The following SBF2 variants were observed in gnomAD, a reference collection of about 807,000 sequenced individuals.
SBF2 encodes the protein myotubularin-related protein 13.
Under a neutral mutation model 225.2 loss-of-function variants are expected in SBF2, and 112 were observed. The observed-to-expected ratio is 0.50, with a 90% CI of 0.43 to 0.58. The LOEUF is 0.58. Ranked by LOEUF, SBF2 falls within the 20% of genes least tolerant of loss-of-function variation. The pLI, the probability that SBF2 is intolerant of heterozygous loss-of-function variation, is 0.00. For synonymous variants in SBF2, 763 were observed against 773.3 expected (o/e 0.99, Z 0.22); for missense variants, 1,996 against 2,206.2 (o/e 0.90, Z 1.91).
At chr11:9,992,309 C>A (rs762954937) in intron 12 of SBF2, 106 bp downstream of exon 12, 11 of 815,832 alleles carry the variant, frequency 1.3e-5, no homozygotes, top group Non-Finnish European at 2.0e-5. Context: ...TTATTTAATA[C>A]CTAATTTATA....
intron 16 of SBF2, chr11:9,961,690 A>G: frequency 2.8e-6 from 1 of 360,064 alleles, no homozygotes; most frequent in South Asian, 3.6e-5. Flanking sequence ...TTTAAAGATG[A>G]CTTTTCATTT....
intron 6 of SBF2, among the ~76,000 whole-genome samples, chr11:10,007,875 C>T (rs576420325): frequency 2.8e-4 from 43 of 152,278 alleles, no homozygotes; most frequent in African/African-American, 9.6e-4. Context: ...AGGCCTGAGC[C>T]AAATTACAAC....
chr11:10,231,125 G>A lies in SBF2; in HGVS notation c.56-37138C>T, dbSNP rs181382220. 1.3e-4 allele frequency among the ~76,000 whole-genome samples: 20 copies of A among 152,078 alleles called. 1 individual carries two copies. Among genetic ancestry groups the A allele is most frequent in the Middle Eastern group, 3.4e-3 (1 of 294 alleles). On this transcript the variant is annotated intron_variant, in intron 1 of 39. Transcript: ENST00000256190. ...ATCGGCTACTGAGGCTTGTGCATTC[G>A]TCACTTAATTCTCATGCCGTGGATT...
At chr11:9,957,601 A>G in intron 16 of SBF2, 1 of 152,168 alleles carries the variant, frequency 6.6e-6, no homozygotes, top group Non-Finnish European at 1.5e-5. Context: ...CTGGGACTAC[A>G]GACGCCTGCC....
chr11:10,078,722 T>C (rs1333114190), intron 2 of SBF2, among the ~76,000 whole-genome samples: 1 of 152,090 alleles, frequency 6.6e-6, no homozygotes, highest in African/African-American at 2.4e-5. Context: ...GGCACACGTA[T>C]ACCTACGTAA....
intron 17 of SBF2, among the ~76,000 whole-genome samples, chr11:9,861,663 CAA>C (rs1193095357): frequency 9.1e-4 from 76 of 83,400 alleles, no homozygotes; most frequent in Admixed American, 1.9e-3. Context: ...GACTCCATCT[CAA>C]AAAAAAAAAA....
At chr11:10,131,647 T>G (rs1475708868) in intron 2 of SBF2, among the ~76,000 whole-genome samples, 1 of 152,090 alleles carries the variant, frequency 6.6e-6, no homozygotes, top group Non-Finnish European at 1.5e-5. Flanking sequence ...TTGGTCAGGC[T>G]GGAGGCTGGT....
intron 13 of SBF2, 44 bp from the exon 14 acceptor site, chr11:9,968,589 CA>C (rs746257823): frequency 6.7e-7 from 1 of 1,492,006 alleles, no homozygotes; most frequent in South Asian, 1.1e-5. Flanking sequence ...GTTAAAATAA[CA>C]ATGGCAGATC....
intron 14 of SBF2, among the ~76,000 whole-genome samples, chr11:9,964,807 T>C (rs982931350): frequency 2.0e-5 from 3 of 152,204 alleles, no homozygotes; most frequent in Admixed American, 6.5e-5. Context: ...GTAGTATTTA[T>C]ATAAAATTTA....
At chr11:9,893,094 A>G (rs1454182539) in intron 17 of SBF2, among the ~76,000 whole-genome samples, 6 of 152,312 alleles carry the variant, frequency 3.9e-5, no homozygotes, top group South Asian at 2.1e-4. Context: ...AAAGTATTTT[A>G]AAAGTAAGTT....
chr11:10,294,264 C>T (rs537022456), upstream of SBF2: 5 of 396,442 alleles, frequency 1.3e-5, no homozygotes, highest in South Asian at 3.4e-4. Context: ...CGCCCCCACC[C>T]GCGCTGGCTC....
intron 13 of SBF2, among the ~76,000 whole-genome samples, chr11:9,975,017 A>T: frequency 6.6e-6 from 1 of 151,108 alleles, no homozygotes; most frequent in African/African-American, 2.4e-5. Context: ...GACAATACCA[A>T]GTGTTAGTAA....
chr11:10,050,065 T>C (rs73410858), intron 2 of SBF2, among the ~76,000 whole-genome samples: 1,624 of 152,230 alleles, frequency 0.011, 32 homozygotes, highest in African/African-American at 0.037. Context: ...TAACAGCAAA[T>C]AATCCCATTC....
chr11:10,207,122 A>G (rs1381138650), intron 1 of SBF2, among the ~76,000 whole-genome samples: 2 of 152,162 alleles, frequency 1.3e-5, no homozygotes, highest in Non-Finnish European at 2.9e-5. Flanking sequence ...CCTACAGGAT[A>G]ACACCAATTC....
At chr11:10,225,314 T>TA (rs556088795) in intron 1 of SBF2, among the ~76,000 whole-genome samples, 27 of 149,716 alleles carry the variant, frequency 1.8e-4, no homozygotes, top group Non-Finnish European at 2.7e-4. Context: ...ACTTCTTCTT[T>TA]AAAAAAAAAG....
intron 1 of SBF2, among the ~76,000 whole-genome samples, chr11:10,267,769 C>T (rs1334847676): frequency 6.6e-6 from 1 of 152,086 alleles, no homozygotes; most frequent in Admixed American, 6.5e-5. Context: ...ACAATCTGAA[C>T]AGTAGCAGTG....
intron 2 of SBF2, among the ~76,000 whole-genome samples, chr11:10,178,209 C>T (rs948474098): frequency 2.0e-5 from 3 of 148,618 alleles, no homozygotes; most frequent in Non-Finnish European, 4.5e-5. Context: ...GGATTAAAGA[C>T]TTAAACGTTA....
Position 9,834,138 on chromosome 11 carries a change from G to C in SBF2, c.3456-1718C>G, listed in dbSNP as rs974360891. 1.4e-4 allele frequency among the ~76,000 whole-genome samples: 21 copies of C among 151,056 alleles called. No individual in the cohort carries two copies. In the East Asian group the frequency reaches 3.9e-3, roughly 28 times the overall value. Reference sequence around the variant, plus strand: ...ACACAGTTTCGCTCTTGTTGCCTAGGCTGGAGTGCAATGGTGCGATCTTGG... The same window carrying C: ...ACACAGTTTCGCTCTTGTTGCCTAGCCTGGAGTGCAATGGTGCGATCTTGG... On this transcript the variant is annotated intron_variant, in intron 26 of 39. Coordinates refer to ENST00000256190, the MANE Select transcript of SBF2 (RefSeq NM_030962.4).
In SBF2 at chr11:10,031,180, G is replaced by C; in HGVS notation, c.280-10C>G. 1.9e-6 allele frequency: 3 copies of C among 1,612,756 alleles called. No individual in the cohort carries two copies. Among genetic ancestry groups the C allele is most frequent in the Non-Finnish European group, 2.5e-6 (3 of 1,179,336 alleles). On this transcript the variant is annotated splice_polypyrimidine_tract_variant and intron_variant, in intron 3 of 39. Coordinates refer to ENST00000256190, the MANE Select transcript of SBF2 (RefSeq NM_030962.4). ...CTTCCTTCTTTGTTCCCTAGAAAAAGAGACACTGAAATCAACAAACAGAAG... is the reference window on the plus strand; with the variant it reads ...CTTCCTTCTTTGTTCCCTAGAAAAACAGACACTGAAATCAACAAACAGAAG...
Sources: allele counts gnomAD v4.1 joint callset (sites outside exome capture counted in the v4.1 genomes callset), GRCh38; gene constraint gnomAD v4.1.1; transcripts MANE v1.5; gene names NCBI Gene and HGNC (gene_info 2026-07-23, HGNC 2026-07-21).